Variants in UBR3 observed in about 807,000 individuals in gnomAD.
UBR3 encodes the protein E3 ubiquitin-protein ligase UBR3.
Under a neutral mutation model 243.2 loss-of-function variants are expected in UBR3, and 85 were observed. That is an observed-to-expected ratio of 0.35 (90% CI 0.29 to 0.42). The LOEUF is 0.42. Among genes scored for constraint, UBR3 ranks in the 10% least tolerant of loss-of-function variants. The pLI is 1.00. For missense variants in UBR3, 1,686 were observed against 2,300.8 expected (o/e 0.73, Z 5.47); for synonymous variants, 748 against 799.8 (o/e 0.94, Z 1.09).
At chr2:170,049,998 A>C (rs181625114) in intron 32 of UBR3, among the ~76,000 whole-genome samples, 2 of 152,176 alleles carry the variant, frequency 1.3e-5, no homozygotes, top group Non-Finnish European at 2.9e-5. Flanking sequence ...GATCACTTCT[A>C]TATAATGTTT....
At chr2:169,978,391 G>T (rs1163875304) in intron 24 of UBR3, among the ~76,000 whole-genome samples, 1 of 152,080 alleles carries the variant, frequency 6.6e-6, no homozygotes, top group Non-Finnish European at 1.5e-5. Flanking sequence ...TTGCCACAGA[G>T]TCAGGATCTG....
chr2:169,837,902 C>T (rs2082160092), intron 1 of UBR3, among the ~76,000 whole-genome samples: 3 of 152,166 alleles, frequency 2.0e-5, no homozygotes, highest in Non-Finnish European at 4.4e-5. Flanking sequence ...ATAATGTCAC[C>T]TCTATCACAG....
At chr2:170,068,943 G>A (rs2091639241) in intron 35 of UBR3, among the ~76,000 whole-genome samples, 1 of 152,140 alleles carries the variant, frequency 6.6e-6, no homozygotes, top group Non-Finnish European at 1.5e-5. Flanking sequence ...TGTATATCAA[G>A]TAAGAATTAA....
chr2:169,848,155 T>C (rs2082545173), intron 1 of UBR3, among the ~76,000 whole-genome samples: 1 of 152,220 alleles, frequency 6.6e-6, no homozygotes, highest in African/African-American at 2.4e-5. Flanking sequence ...ATTATTGTCC[T>C]TCATTACCTG....
At chr2:169,975,815 A>G (rs1225376293) in intron 24 of UBR3, among the ~76,000 whole-genome samples, 2 of 152,130 alleles carry the variant, frequency 1.3e-5, no homozygotes, top group Non-Finnish European at 2.9e-5. Flanking sequence ...AAAAACAAAC[A>G]GGAATTCAGA....
At position 170,082,737 on chromosome 2, in the gene UBR3, TC is replaced by T. The variant is rs2091926366; in HGVS notation, c.*898del. ...TGATTGTATTAGAAATGCTCAGACTTCCCCAGAAATGAACCATAAATTTTGG... is the reference window on the plus strand; with the variant it reads ...TGATTGTATTAGAAATGCTCAGACTTCCCAGAAATGAACCATAAATTTTGG... On this transcript the variant is annotated 3_prime_UTR_variant, in exon 39 of 39. Coordinates refer to ENST00000272793, the MANE Select transcript of UBR3 (RefSeq NM_172070.4). The T allele has an allele frequency of 6.6e-6, 1 of 152,410 alleles. No homozygotes were observed. Among genetic ancestry groups the T allele is most frequent in the Admixed American group, 6.5e-5 (1 of 15,290 alleles). 9.4% of individuals were successfully genotyped at this position (152,410 alleles called of 1,614,324 possible).
intron 1 of UBR3, among the ~76,000 whole-genome samples, chr2:169,835,993 GTCTCTCTCTCTCTCTCTC>G (rs577838877): frequency 0.036 from 1,099 of 30,544 alleles, 47 homozygotes; most frequent in Non-Finnish European, 0.045. Context: ...TGTGTGCACT[GTCTCTCTCTCTCTCTCTC>G]TCTCTCTCTC....
intron 23 of UBR3, among the ~76,000 whole-genome samples, chr2:169,950,900 AAG>A (rs1491197742): frequency 6.6e-6 from 1 of 152,098 alleles, no homozygotes; most frequent in African/African-American, 2.4e-5. Flanking sequence ...GAAAAAAAAA[AAG>A]AGCATGCCTT....
At chr2:169,890,536 G>T (rs200234078) in intron 5 of UBR3, among the ~76,000 whole-genome samples, 4,923 of 52,850 alleles carry the variant, frequency 0.093, 388 homozygotes, top group East Asian at 0.18. Flanking sequence ...GAGAGAGAGA[G>T]AGAGATATAT....
At position 169,960,618 on chromosome 2, in the gene UBR3, G is replaced by A. The variant is rs141459960; in HGVS notation, c.3634+2092G>A. Among the ~76,000 whole-genome samples, 785 of 151,380 alleles carry A rather than the reference G, an allele frequency of 5.2e-3. 12 individuals are homozygous for A. Among genetic ancestry groups the A allele is most frequent in the African/African-American group, 0.018 (726 of 41,208 alleles). On this transcript the variant is annotated intron_variant, in intron 24 of 38. Transcript: ENST00000272793. ...AATATAATTACAATATTTACGTATC[G>A]TTCTATTGTAGTAGTCAGTATCTTG...
At chr2:169,949,069 A>T (rs972002436) in intron 22 of UBR3, among the ~76,000 whole-genome samples, 1 of 152,048 alleles carries the variant, frequency 6.6e-6, no homozygotes, top group Non-Finnish European at 1.5e-5. Flanking sequence ...TTTCATCCTT[A>T]TATTTCAATT....
At chr2:170,022,507 C>T (rs995896541) in intron 30 of UBR3, among the ~76,000 whole-genome samples, 6 of 152,150 alleles carry the variant, frequency 3.9e-5, no homozygotes, top group East Asian at 3.9e-4. Flanking sequence ...GAAGGAACAC[C>T]GGGTTGGAGT....
intron 31 of UBR3, 92 bp downstream of exon 31, chr2:170,029,540 GA>G (rs1305449753): frequency 9.6e-6 from 9 of 941,730 alleles, no homozygotes; most frequent in Non-Finnish European, 1.4e-5. Context: ...CAATATATGT[GA>G]TTTTTTCACA....
rs147133080 is a variant in UBR3 at position 169,925,484 on chromosome 2, ATTATCT to A, written c.2023-131_2023-126del. ...AATGTAAAAATGTATATTTCAACTG[ATTATCT>A]TTAACATTGGACAGAATATCGGGCT... On this transcript the variant is annotated intron_variant, in intron 13 of 38. Transcript: ENST00000272793. The A allele has an allele frequency of 3.6e-3, 2,756 of 770,126 alleles. 56 individuals are homozygous for A. In the African/African-American group the frequency reaches 0.045, roughly 13 times the overall value. 47.7% of individuals were successfully genotyped at this position (770,126 alleles called of 1,614,324 possible).
chr2:169,911,285 A>C (rs1308635121), intron 10 of UBR3, among the ~76,000 whole-genome samples: 1 of 152,178 alleles, frequency 6.6e-6, no homozygotes, highest in Non-Finnish European at 1.5e-5. Flanking sequence ...GGTGGCAACT[A>C]TAGGTTACTA....
At chr2:169,897,394 C>G (rs1340121007) in intron 8 of UBR3, among the ~76,000 whole-genome samples, 3 of 151,992 alleles carry the variant, frequency 2.0e-5, no homozygotes, top group Non-Finnish European at 2.9e-5. Flanking sequence ...TCTCATTTCT[C>G]TATAGTTACT....
intron 24 of UBR3, among the ~76,000 whole-genome samples, chr2:169,968,060 A>G (rs2087909144): frequency 6.6e-6 from 1 of 152,046 alleles, no homozygotes; most frequent in African/African-American, 2.4e-5. Context: ...CATTCTTTTA[A>G]AAAAATTTAA....
intron 11 of UBR3, among the ~76,000 whole-genome samples, chr2:169,918,074 G>A (rs2085533271): frequency 6.6e-6 from 1 of 152,148 alleles, no homozygotes; most frequent in Admixed American, 6.6e-5. Context: ...AAGTGGAGAT[G>A]CAGAGATATT....
intron 11 of UBR3, among the ~76,000 whole-genome samples, chr2:169,918,731 A>G (rs1484197184): frequency 6.6e-6 from 1 of 152,172 alleles, no homozygotes; most frequent in Non-Finnish European, 1.5e-5. Context: ...AAAAACATGA[A>G]TATCATGTAG....
Sources: gnomAD v4.1 joint callset for allele counts (sites outside exome capture counted in the v4.1 genomes callset) on GRCh38, gnomAD v4.1.1 for gene constraint, MANE v1.5 for transcripts, NCBI Gene and HGNC (gene_info 2026-07-23, HGNC 2026-07-21) for gene names.